FBRS: variants seen among roughly 807,000 people sequenced by gnomAD.
FBRS encodes the protein probable fibrosin-1.
Under a neutral mutation model 86.1 loss-of-function variants are expected in FBRS, and 15 were observed. The ratio of observed to expected loss-of-function variants is 0.17; its 90% CI spans 0.12 to 0.27. The LOEUF (loss-of-function observed/expected upper bound fraction) is 0.27, where lower values mean the gene tolerates loss of function less well. Among genes scored for constraint, FBRS ranks in the 10% least tolerant of loss-of-function variants. The pLI is 1.00. For missense variants in FBRS, 1,367 were observed against 1,301.6 expected (o/e 1.05, Z -0.77); for synonymous variants, 666 against 575.8 (o/e 1.16, Z -2.24).
rs1485270304 is a variant in FBRS, at chr16:30,669,048, C to G, written c.2367-21C>G. ...TGCTGCCCCTGGAGAACTTCATTCT[C>G]TCCCCACGCCTGCCCTCCAGGGACC... On this transcript the variant is annotated intron_variant, in intron 17 of 17. Transcript: ENST00000356166. The surrounding 1 kb of genome is among the most constrained non-coding windows in gnomAD (Gnocchi z 5.9). 2 of 1,410,436 alleles carry G rather than the reference C, an allele frequency of 1.4e-6. No individual in the cohort carries two copies. Among genetic ancestry groups the G allele is most frequent in the African/African-American group, 1.5e-5 (1 of 67,966 alleles). The allele number at this position is 1,410,436 out of a possible 1,614,324, so 87.4% of individuals were successfully genotyped here.
intron 4 of FBRS, 125 bp from the exon 5 acceptor site, chr16:30,662,295 T>G: frequency 7.0e-7 from 1 of 1,432,606 alleles, no homozygotes; most frequent in Non-Finnish European, 9.5e-7. Context: ...GGATCTCAGC[T>G]AAACTGAAGG....
chr16:30,664,226 C>T lies in FBRS; in HGVS notation c.1067C>T (p.Pro356Leu), dbSNP rs1381559215. The change falls in exon 7 of 18, where the codon CCG becomes CTG. Residue 356 changes from proline to leucine, a missense_variant. By Grantham distance (98) the Pro-to-Leu change is moderately conservative (BLOSUM62 -3). This residue lies in a region of FBRS where 702 missense variants were observed against 598.7 expected (regional missense o/e 1.17). Coordinates refer to ENST00000356166, the MANE Select transcript of FBRS (RefSeq NM_001105079.3). ...LDLSTGSSSRPPPKAPAPPVA... is the reference protein window; with the variant it reads ...LDLSTGSSSRLPPKAPAPPVA... ...ACTTCTCTCCCCAGCTCTTCACGGC[C>T]GCCCCCCAAGGCCCCGGCCCCTCCC... is the stretch of plus-strand genomic sequence containing the variant. 2.8e-6 allele frequency: 4 copies of T among 1,423,688 alleles called. No individual in the cohort carries two copies. In the African/African-American group the frequency reaches 4.3e-5, roughly 15 times the overall value. The allele number at this position is 1,423,688 out of a possible 1,614,324, so 88.2% of individuals were successfully genotyped here.
chr16:30,663,053 C>T lies in FBRS; in HGVS notation c.1055+194C>T. 4 of 1,077,844 alleles carry T rather than the reference C, an allele frequency of 3.7e-6. No individual in the cohort carries two copies. In the South Asian group the frequency reaches 1.3e-4, roughly 35 times the overall value. The allele number at this position is 1,077,844 out of a possible 1,614,324, so 66.8% of individuals were successfully genotyped here. ...ACATTCCCATGCAGGGGAATCCAGG[C>T]TGTGCTGTTTCCCAGTTGTGTTTGC... is the stretch of plus-strand genomic sequence containing the variant. On this transcript the variant is annotated intron_variant, in intron 6 of 17. Coordinates refer to ENST00000356166, the MANE Select transcript of FBRS (RefSeq NM_001105079.3).
Position 30,659,900 on chromosome 16 carries a change from G to C in FBRS, c.382G>C (p.Glu128Gln). The change falls in exon 1 of 18, where the codon GAG becomes CAG. Residue 128 changes from glutamate to glutamine, a missense_variant. Glu to Gln is a conservative substitution (Grantham distance 29). Transcript: ENST00000356166. ...ADDGEAEEEP[E>Q]EEEEEEEDLI... is the part of the protein sequence containing the mutation. ...CGACGGCGAAGCCGAGGAGGAGCCTGAGGAGGAGGAAGAGGAGGAGGAGGA... is the reference window on the plus strand; with the variant it reads ...CGACGGCGAAGCCGAGGAGGAGCCTCAGGAGGAGGAAGAGGAGGAGGAGGA... 6.4e-7 allele frequency: 1 copy of C among 1,551,006 alleles called. No homozygotes were observed. The highest frequency in any genetic ancestry group is 8.7e-7 in the Non-Finnish European group (1 of 1,147,848).
intron 12 of FBRS, 74 bp from the exon 13 acceptor site, chr16:30,666,845 G>A: frequency 6.6e-7 from 1 of 1,509,554 alleles, no homozygotes; most frequent in Non-Finnish European, 9.1e-7. Flanking sequence ...TGGGCCCAGA[G>A]CCAGGCCTGG....
Position 30,670,477 on chromosome 16 carries a change from A to C in FBRS, c.*832A>C. On this transcript the variant is annotated 3_prime_UTR_variant, in exon 18 of 18. Transcript: ENST00000356166. ...TTAATGGCTCAGTCCCCTTCACCCCATTTCCAAGTGCCCCCAGGACTCCTG... is the reference window on the plus strand; with the variant it reads ...TTAATGGCTCAGTCCCCTTCACCCCCTTTCCAAGTGCCCCCAGGACTCCTG... The C allele has an allele frequency of 3.1e-6, 1 of 322,398 alleles. No homozygotes were observed. The highest frequency in any genetic ancestry group is 2.4e-5 in the South Asian group (1 of 41,828). 20.0% of individuals were successfully genotyped at this position (322,398 alleles called of 1,614,324 possible). A position where few individuals can be genotyped will look rare whatever the true frequency, so the allele number is the denominator to read the frequency against.
At position 30,661,182 on chromosome 16, in the gene FBRS, G is replaced by A. The variant is rs1318330548; in HGVS notation, c.642G>A (p.Ala214=). 3.9e-6 allele frequency: 6 copies of A among 1,550,534 alleles called. No individual in the cohort carries two copies. Among genetic ancestry groups the A allele is most frequent in the Admixed American group, 3.9e-5 (2 of 50,984 alleles). ...CTCTGGACTCTGGTCTTCCTCAGGC[G>A]TCCTCCCGTCACTCTCTGGAAGCTG... is the stretch of plus-strand genomic sequence containing the variant. The part of the protein sequence containing the change: ...KWPNKRRRKE[A]SSRHSLEAGY... Residue 214 remains alanine (A), a splice_region_variant and synonymous_variant, in exon 3 of 18, where the codon GCG becomes GCA. Coordinates refer to ENST00000356166, the MANE Select transcript of FBRS (RefSeq NM_001105079.3).
intron 2 of FBRS, 195 bp downstream of exon 2, chr16:30,660,637 G>A: frequency 1.1e-6 from 1 of 904,568 alleles, no homozygotes; most frequent in Non-Finnish European, 1.5e-6. Flanking sequence ...CCTTTTGCCT[G>A]GTTCTGTGTC....
intron 6 of FBRS, among the ~76,000 whole-genome samples, chr16:30,663,726 G>A (rs952645338): frequency 1.1e-4 from 17 of 152,120 alleles, no homozygotes; most frequent in South Asian, 2.1e-4. Context: ...TTTTGTCACC[G>A]TCATTGTCAT....
intron 1 of FBRS, 56 bp from the exon 2 acceptor site, chr16:30,660,207 A>G: frequency 1.5e-6 from 2 of 1,370,844 alleles, no homozygotes; most frequent in Non-Finnish European, 1.9e-6. Context: ...TCACCCCTAG[A>G]GGGGTTGGGA....
In FBRS at chr16:30,659,926, C is replaced by G; in HGVS notation, c.408C>G (p.Asp136Glu). The part of the protein sequence containing the change: ...EPEEEEEEEE[D>E]LIDGFAIASF... ...AGGAGGAGGAAGAGGAGGAGGAGGACTTGATCGATGGCTTCGCCATCGCCA... is the reference window on the plus strand; with the variant it reads ...AGGAGGAGGAAGAGGAGGAGGAGGAGTTGATCGATGGCTTCGCCATCGCCA... The change falls in exon 1 of 18, where the codon GAC becomes GAG. Residue 136 changes from aspartate to glutamate, a missense_variant. By Grantham distance (45) the Asp-to-Glu change is conservative. Transcript: ENST00000356166. 6.4e-7 allele frequency: 1 copy of G among 1,551,730 alleles called. No homozygotes were observed. The highest frequency in any genetic ancestry group is 8.7e-7 in the Non-Finnish European group (1 of 1,147,956).
intron 6 of FBRS, 114 bp downstream of exon 6, chr16:30,662,973 G>A: frequency 7.6e-7 from 1 of 1,323,384 alleles, no homozygotes; most frequent in Non-Finnish European, 9.7e-7. Context: ...AGACTGAAAA[G>A]TTTGAGAAAA....
In FBRS at chr16:30,665,834, T is replaced by C. The variant is rs536571674; in HGVS notation, c.1773+128T>C. The C allele has an allele frequency of 1.9e-5, 16 of 855,242 alleles. No individual in the cohort carries two copies. Among genetic ancestry groups the C allele is most frequent in the Non-Finnish European group, 2.9e-5 (16 of 559,314 alleles). The allele number at this position is 855,242 out of a possible 1,614,324, so 53.0% of individuals were successfully genotyped here. A position where few individuals can be genotyped will look rare whatever the true frequency, so the allele number is the denominator to read the frequency against. On this transcript the variant is annotated intron_variant, in intron 11 of 17. Coordinates refer to ENST00000356166, the MANE Select transcript of FBRS (RefSeq NM_001105079.3). This position sits in a 1 kb window ranked among gnomAD's most constrained non-coding sequence, Gnocchi z 4.1. ...CAATCGGGTGTTCCTGGGTGTCTAATAGAGAGGGAATTTCTGTAAATAGCT... is the reference window on the plus strand; with the variant it reads ...CAATCGGGTGTTCCTGGGTGTCTAACAGAGAGGGAATTTCTGTAAATAGCT...
Position 30,667,368 on chromosome 16 carries a change from C to T in FBRS, c.1924C>T (p.Pro642Ser), listed in dbSNP as rs2052535606. 6.4e-7 allele frequency: 1 copy of T among 1,553,914 alleles called. No homozygotes were observed. The highest frequency in any genetic ancestry group is 1.4e-5 in the African/African-American group (1 of 73,162). The change falls in exon 14 of 18, where the codon CCG becomes TCG. Residue 642 changes from proline to serine, a missense_variant. This residue lies in a region of FBRS where 659 missense variants were observed against 678.8 expected (regional missense o/e 0.97). Coordinates refer to ENST00000356166, the MANE Select transcript of FBRS (RefSeq NM_001105079.3). ...TCGGAATGACCTCCTGCCCTGCCTTCCGGGGCCCTATGGGGCCCTGCCCCC... is the reference window on the plus strand; with the variant it reads ...TCGGAATGACCTCCTGCCCTGCCTTTCGGGGCCCTATGGGGCCCTGCCCCC... ...DFRNDLLPCL[P>S]GPYGALPPGQ...
At chr16:30,663,640 G>A (rs142507437) in intron 6 of FBRS, among the ~76,000 whole-genome samples, 2 of 152,330 alleles carry the variant, frequency 1.3e-5, no homozygotes, top group African/African-American at 4.8e-5. Flanking sequence ...AGCTTTTAAA[G>A]CAGGTGCCAG....
Position 30,668,546 on chromosome 16 carries a change from C to T in FBRS, c.2075-14C>T. On this transcript the variant is annotated splice_polypyrimidine_tract_variant and intron_variant, in intron 15 of 17. Coordinates refer to ENST00000356166, the MANE Select transcript of FBRS (RefSeq NM_001105079.3). ...GCTGCCCAGTGCTCTGACCACCCCC[C>T]TTTCCTCCCACAGATCCCTTTGGGC... is the stretch of plus-strand genomic sequence containing the variant. 6.2e-7 allele frequency: 1 copy of T among 1,606,876 alleles called. No homozygotes were observed. The highest frequency in any genetic ancestry group is 1.1e-5 in the South Asian group (1 of 90,812).
In FBRS at chr16:30,670,169, GTTAA is replaced by G. The variant is rs2052579819; in HGVS notation, c.*529_*532del. The G allele has an allele frequency of 6.5e-6, 3 of 458,490 alleles. No homozygotes were observed. The highest frequency in any genetic ancestry group is 1.5e-5 in the South Asian group (1 of 64,562). 28.4% of individuals were successfully genotyped at this position (458,490 alleles called of 1,614,324 possible). A position where few individuals can be genotyped will look rare whatever the true frequency, so the allele number is the denominator to read the frequency against. Reference sequence around the variant, plus strand: ...GCCCCTCCCAACAGTTCCCTTCCTGGTTAATTAAACCCTCAGACTGGTGCTGTGT... The same window carrying G: ...GCCCCTCCCAACAGTTCCCTTCCTGGTTAAACCCTCAGACTGGTGCTGTGT... On this transcript the variant is annotated 3_prime_UTR_variant, in exon 18 of 18. Coordinates refer to ENST00000356166, the MANE Select transcript of FBRS (RefSeq NM_001105079.3).
chr16:30,665,550 C>T lies in FBRS; in HGVS notation c.1705-88C>T. ...CCAGTTTTCTCCAAAGCCATGATCC[C>T]TCCCTGCCCAGTGTCCCAGCTTGGT... On this transcript the variant is annotated intron_variant, in intron 10 of 17. Coordinates refer to ENST00000356166, the MANE Select transcript of FBRS (RefSeq NM_001105079.3). The surrounding 1 kb of genome is among the most constrained non-coding windows in gnomAD (Gnocchi z 4.1). 2 of 1,483,928 alleles carry T rather than the reference C, an allele frequency of 1.3e-6. No individual in the cohort carries two copies. The highest frequency in any genetic ancestry group is 9.2e-7 in the Non-Finnish European group (1 of 1,085,276). 91.9% of individuals were successfully genotyped at this position (1,483,928 alleles called of 1,614,324 possible).
chr16:30,664,764 G>A lies in FBRS; in HGVS notation c.1407G>A (p.Gln469=), dbSNP rs2052501731. The A allele has an allele frequency of 1.3e-6, 2 of 1,551,766 alleles. No homozygotes were observed. Among genetic ancestry groups the A allele is most frequent in the African/African-American group, 1.4e-5 (1 of 73,020 alleles). The change falls in exon 8 of 18, where the codon CAG becomes CAA. Residue 469 remains glutamine (Q), a synonymous_variant. Transcript: ENST00000356166. ...QDLNSRYLNA[Q]GGPEVVGAGG... ...TGAACTCTCGCTACCTGAATGCCCA[G>A]GGTGGCCCTGAGGTGGTGGGGGCAG...
Sources: allele counts gnomAD v4.1 joint callset (sites outside exome capture counted in the v4.1 genomes callset), GRCh38; gene constraint gnomAD v4.1.1; regional missense constraint gnomAD v4.1.1; non-coding constraint Gnocchi (gnomAD v3.1); transcripts MANE v1.5; gene names NCBI Gene and HGNC (gene_info 2026-07-23, HGNC 2026-07-21).